The following CLCN6 variants were observed in gnomAD, a reference collection of about 807,000 sequenced individuals.
The protein encoded by CLCN6 is Cl-/H+ antiporter 6, also known as H(+)/Cl(-) exchange transporter 6.
CLCN6 carries 70 observed loss-of-function variants against 109.8 expected under a neutral mutation model. The ratio of observed to expected loss-of-function variants is 0.64; its 90% CI spans 0.53 to 0.78. CLCN6 has a LOEUF of 0.78. Ranked by LOEUF, CLCN6 falls within the 30% of genes least tolerant of loss-of-function variation. CLCN6 has a pLI of 0.00. For synonymous variants in CLCN6, 444 were observed against 447.8 expected, an observed-to-expected ratio of 0.99 and a Z score of 0.11; for missense variants, 984 against 1,142.3, an observed-to-expected ratio of 0.86 and a Z score of 2.00.
Position 11,836,985 on chromosome 1 carries a change from C to G in CLCN6, c.1981-14C>G. 1 of 1,606,326 alleles carries G rather than the reference C, an allele frequency of 6.2e-7. No individual in the cohort carries two copies. Among genetic ancestry groups the G allele is most frequent in the Non-Finnish European group, 8.5e-7 (1 of 1,179,918 alleles). ...TTGCCCATGCGCAGTAGCCTGTGGC[C>G]TCCCCACCCACAGAAATCCAGCATC... is the stretch of plus-strand genomic sequence containing the variant. On this transcript the variant is annotated splice_polypyrimidine_tract_variant and intron_variant, in intron 18 of 22. Transcript: ENST00000346436.
intron 19 of CLCN6, 41 bp from the exon 20 acceptor site, chr1:11,837,302 G>A (rs756298027): frequency 2.2e-5 from 35 of 1,597,206 alleles, no homozygotes; most frequent in Admixed American, 1.5e-4. Context: ...AAGCGCTCCC[G>A]CTGAGGGTAT....
intron 4 of CLCN6, among the ~76,000 whole-genome samples, chr1:11,817,119 G>T (rs1486790784): frequency 1.3e-5 from 2 of 151,996 alleles, no homozygotes; most frequent in African/African-American, 4.8e-5. Flanking sequence ...TAGAGACAGG[G>T]TCTCGCTTTG....
intron 2 of CLCN6, 33 bp from the exon 3 acceptor site, chr1:11,815,813 A>G (rs2100614798): frequency 6.3e-7 from 1 of 1,584,684 alleles, no homozygotes; most frequent in Non-Finnish European, 8.7e-7. Flanking sequence ...CTCACCTGAC[A>G]TGACCTTTTG....
intron 5 of CLCN6, among the ~76,000 whole-genome samples, chr1:11,821,930 A>G (rs757146781): frequency 2.6e-5 from 4 of 152,252 alleles, no homozygotes; most frequent in Non-Finnish European, 5.9e-5. Flanking sequence ...GTGTATCAAC[A>G]TGGCTAATTC....
intron 2 of CLCN6, among the ~76,000 whole-genome samples, chr1:11,810,508 G>C (rs566364180): frequency 6.6e-6 from 1 of 152,268 alleles, no homozygotes; most frequent in South Asian, 2.1e-4. Context: ...GCCCCTTCCT[G>C]GTTGAATTGG....
At position 11,827,094 on chromosome 1, in the gene CLCN6, A is replaced by C. The variant is rs773027731; in HGVS notation, c.713A>C (p.Lys238Thr). ...CGTCTCTCTCCTCTCCTCAGAGACA[A>C]GAGAGACTTTGTATCAGCAGGAGCG... ...NFPYFRSDRD[K>T]RDFVSAGAAA... Residue 238 changes from lysine to threonine, a missense_variant, in exon 10 of 23, where the codon AAG becomes ACG. Coordinates refer to ENST00000346436, the MANE Select transcript of CLCN6 (RefSeq NM_001286.5). The C allele has an allele frequency of 1.4e-5, 23 of 1,613,684 alleles. No homozygotes were observed. The highest frequency in any genetic ancestry group is 3.3e-4 in the Middle Eastern group (2 of 6,074).
chr1:11,840,012 A>G (rs1374390205), intron 22 of CLCN6, 131 bp from the exon 23 acceptor site: 3 of 761,174 alleles, frequency 3.9e-6, no homozygotes, highest in Non-Finnish European at 7.0e-6. Context: ...TATCCCAATC[A>G]AGCTGTGTCT....
At chr1:11,828,079 T>G in intron 10 of CLCN6, 27 bp from the exon 11 acceptor site, 1 of 1,555,552 alleles carries the variant, frequency 6.4e-7, no homozygotes, top group East Asian at 2.2e-5. Flanking sequence ...TCCTGAACCT[T>G]CTTGTCTTTT....
At chr1:11,831,238 A>C (rs1461435982) in intron 13 of CLCN6, among the ~76,000 whole-genome samples, 4 of 139,088 alleles carry the variant, frequency 2.9e-5, no homozygotes, top group Non-Finnish European at 4.7e-5. Context: ...CTCACTGCAA[A>C]CTCCACCTCC....
intron 1 of CLCN6, 70 bp downstream of exon 1, chr1:11,806,419 G>C (rs568326346): frequency 6.7e-4 from 926 of 1,387,544 alleles, no homozygotes; most frequent in Non-Finnish European, 8.4e-4. Context: ...GTTGCCGGGG[G>C]TGGGGCCGGG....
Position 11,840,223 on chromosome 1 carries a change from A to G in CLCN6, c.2610A>G (p.Ter870TrpextTer58). The G allele has an allele frequency of 6.2e-7, 1 of 1,612,032 alleles. No individual in the cohort carries two copies. Among genetic ancestry groups the G allele is most frequent in the Non-Finnish European group, 8.5e-7 (1 of 1,179,672 alleles). ...ARLRQHYQTI[*>W] ...TGAGGCAGCACTACCAGACCATCTG[A>G]CAGCCCAGCCCACCCTCTCCTGGTG... Residue 870 changes from the stop codon to tryptophan (W), a stop_lost, in exon 23 of 23, where the codon TGA (stop) becomes TGG (tryptophan). Coordinates refer to ENST00000346436, the MANE Select transcript of CLCN6 (RefSeq NM_001286.5).
At chr1:11,837,594 A>C in intron 20 of CLCN6, 95 bp downstream of exon 20, 1 of 1,278,050 alleles carries the variant, frequency 7.8e-7, no homozygotes, top group Non-Finnish European at 1.1e-6. Flanking sequence ...GCCATAGGGA[A>C]AGCTGAATGC....
intron 5 of CLCN6, among the ~76,000 whole-genome samples, chr1:11,822,078 GTT>G (rs70987205): frequency 1.4e-5 from 2 of 146,698 alleles, no homozygotes; most frequent in African/African-American, 5.0e-5. Flanking sequence ...AAGGAAAACT[GTT>G]TTTTTTTTTG....
intron 2 of CLCN6, among the ~76,000 whole-genome samples, 189 bp downstream of exon 2, chr1:11,807,379 G>C (rs927135997): frequency 1.3e-5 from 2 of 152,214 alleles, no homozygotes; most frequent in East Asian, 3.8e-4. Flanking sequence ...CCCAAAACAA[G>C]GTCTGGTGTT....
rs1452930065 is a variant in CLCN6 at position 11,842,775 on chromosome 1, AG to A, written c.*2553del. 2 of 152,266 alleles carry A rather than the reference AG, an allele frequency of 1.3e-5. No individual in the cohort carries two copies. Among genetic ancestry groups the A allele is most frequent in the African/African-American group, 4.8e-5 (2 of 41,470 alleles). 9.4% of individuals were successfully genotyped at this position (152,266 alleles called of 1,614,324 possible). A position where few individuals can be genotyped will look rare whatever the true frequency, so the allele number is the denominator to read the frequency against. ...GACCTTGATTAACTTAACAGTTCCCAGCTGGAAGGGACACTTTCAGGACCCA... is the reference window on the plus strand; with the variant it reads ...GACCTTGATTAACTTAACAGTTCCCACTGGAAGGGACACTTTCAGGACCCA... On this transcript the variant is annotated 3_prime_UTR_variant, in exon 23 of 23. Coordinates refer to ENST00000346436, the MANE Select transcript of CLCN6 (RefSeq NM_001286.5).
In CLCN6 at chr1:11,834,038, G is replaced by A. The variant is rs767112328; in HGVS notation, c.1526+8G>A. The A allele has an allele frequency of 3.7e-6, 6 of 1,612,570 alleles. No homozygotes were observed. The highest frequency in any genetic ancestry group is 1.1e-5 in the South Asian group (1 of 90,944). Reference sequence around the variant, plus strand: ...TGCCAATGTCCTAAAAAGGTACTCTGTGTGTGTGCGTGTGTGTGCGCATGT... The same window carrying A: ...TGCCAATGTCCTAAAAAGGTACTCTATGTGTGTGCGTGTGTGTGCGCATGT... On this transcript the variant is annotated splice_region_variant and intron_variant, in intron 15 of 22. Transcript: ENST00000346436. This position sits in a 1 kb window ranked among gnomAD's most constrained non-coding sequence, Gnocchi z 4.5.
Position 11,836,943 on chromosome 1 carries a change from A to G in CLCN6, c.1981-56A>G, listed in dbSNP as rs1274734322. 3.2e-6 allele frequency: 5 copies of G among 1,587,028 alleles called. No individual in the cohort carries two copies. The Admixed American group carries it at 6.8e-5, about 22-fold the overall frequency. ...GTCACCCAAATCCTTAAGCTCCATCAGTACTGCTGTGTTCGTTTGCCCATG... is the reference window on the plus strand; with the variant it reads ...GTCACCCAAATCCTTAAGCTCCATCGGTACTGCTGTGTTCGTTTGCCCATG... On this transcript the variant is annotated intron_variant, in intron 18 of 22. Transcript: ENST00000346436.
chr1:11,834,239 C>T lies in CLCN6; in HGVS notation c.1530C>T (p.Tyr510=), dbSNP rs1644917076. The change falls in exon 16 of 23, where the codon TAC becomes TAT. Residue 510 remains tyrosine (Y), a synonymous_variant. Coordinates refer to ENST00000346436, the MANE Select transcript of CLCN6 (RefSeq NM_001286.5). This position sits in a 1 kb window ranked among gnomAD's most constrained non-coding sequence, Gnocchi z 4.5. Reference sequence around the variant, plus strand: ...TCTCGGTGTTTTCCTTCACTAGCTACATTGGATTGGGCCACATCTATTCGG... The same window carrying T: ...TCTCGGTGTTTTCCTTCACTAGCTATATTGGATTGGGCCACATCTATTCGG... ...GRLVANVLKS[Y]IGLGHIYSGT... 4.3e-6 allele frequency: 7 copies of T among 1,612,032 alleles called. No individual in the cohort carries two copies. The East Asian group carries it at 1.3e-4, about 31-fold the overall frequency.
At chr1:11,836,184 G>C (rs749848164) in intron 18 of CLCN6, 31 bp downstream of exon 18, 149 of 1,597,876 alleles carry the variant, frequency 9.3e-5, no homozygotes, top group Non-Finnish European at 1.2e-4. Context: ...GGAAAGGCAG[G>C]TGAGAGACAA....
Sources: gnomAD v4.1 joint callset for allele counts (sites outside exome capture counted in the v4.1 genomes callset) on GRCh38, gnomAD v4.1.1 for gene constraint, Gnocchi (gnomAD v3.1) non-coding constraint, MANE v1.5 for transcripts, NCBI Gene and HGNC (gene_info 2026-07-23, HGNC 2026-07-21) for gene names.